YEATS2: variants seen among roughly 807,000 people sequenced by gnomAD.
YEATS2 encodes the protein YEATS domain-containing protein 2.
In YEATS2, 77 loss-of-function variants were observed where a neutral mutation model predicts 163.2. The observed-to-expected ratio is 0.47, with a 90% CI of 0.39 to 0.57. The LOEUF is 0.57. Ranked by LOEUF, YEATS2 falls within the 20% of genes least tolerant of loss-of-function variation. The probability of loss-of-function intolerance (pLI) is 0.00; values close to 1 mark genes in which losing one functional copy is unlikely to be tolerated. For missense variants in YEATS2, 1,549 were observed against 1,729.8 expected, an observed-to-expected ratio of 0.90 and a Z score of 1.85; for synonymous variants, 631 against 645.1, an observed-to-expected ratio of 0.98 and a Z score of 0.33.
chr3:183,799,820 T>G (rs977748750), intron 23 of YEATS2, among the ~76,000 whole-genome samples: 7 of 150,468 alleles, frequency 4.7e-5, no homozygotes, highest in South Asian at 4.2e-4. Flanking sequence ...TAGCATTGTT[T>G]TTTTTTTTTT....
intron 5 of YEATS2, 34 bp downstream of exon 5, chr3:183,722,170 A>T: frequency 6.4e-7 from 1 of 1,574,220 alleles, no homozygotes; most frequent in South Asian, 1.1e-5. Flanking sequence ...AGGGAGCCAC[A>T]GGAGAAGGGA....
rs571881240 is a variant in YEATS2 at position 183,775,942 on chromosome 3, G to A, written c.2396G>A (p.Gly799Asp). The A allele has an allele frequency of 2.5e-6, 4 of 1,607,074 alleles. No individual in the cohort carries two copies. In the South Asian group the frequency reaches 4.4e-5, roughly 18 times the overall value. The stretch of plus-strand genomic sequence containing the variant: ...CTCCAGTCTGGCTCAGCTGCCAGTG[G>A]TGGGAGTGGTGCCGGAGGAGGAGGA... ...ANLQSGSAASGGSGAGGGGGG... is the reference protein window; with the variant it reads ...ANLQSGSAASDGSGAGGGGGG... Residue 799 changes from glycine to aspartate, a missense_variant, in exon 18 of 31, where the codon GGT becomes GAT. By Grantham distance (94) the Gly-to-Asp change is moderately conservative. Coordinates refer to ENST00000305135, the MANE Select transcript of YEATS2 (RefSeq NM_018023.5).
At chr3:183,790,735 C>T in intron 20 of YEATS2, 62 bp from the exon 21 acceptor site, 1 of 1,569,006 alleles carries the variant, frequency 6.4e-7, no homozygotes, top group Non-Finnish European at 8.7e-7. Context: ...GCCGTCACCG[C>T]CGTCAGTCAT....
chr3:183,722,113 A>C lies in YEATS2; in HGVS notation c.514A>C (p.Arg172=). The change falls in exon 5 of 31, where the codon AGA becomes CGA. Residue 172 remains arginine, a synonymous_variant. Coordinates refer to ENST00000305135, the MANE Select transcript of YEATS2 (RefSeq NM_018023.5). The part of the protein sequence containing the change: ...EERLSNNMEQ[R]PSRNTGRDTS... ...AAGACTCTCAAACAACATGGAGCAG[A>C]GACCAAGCCGAAATACTGGAAGGGT... 6.2e-7 allele frequency: 1 copy of C among 1,614,064 alleles called. No individual in the cohort carries two copies. Among genetic ancestry groups the C allele is most frequent in the Non-Finnish European group, 8.5e-7 (1 of 1,180,006 alleles).
intron 20 of YEATS2, among the ~76,000 whole-genome samples, chr3:183,788,331 C>G (rs1054734084): frequency 1.3e-5 from 2 of 152,012 alleles, no homozygotes; most frequent in Admixed American, 1.3e-4. Context: ...CTGGTAACCA[C>G]CATTCTTCTC....
intron 19 of YEATS2, among the ~76,000 whole-genome samples, chr3:183,780,615 A>G (rs969643530): frequency 2.6e-5 from 4 of 152,238 alleles, no homozygotes; most frequent in Non-Finnish European, 5.9e-5. Flanking sequence ...TGAAGATAAA[A>G]TGGCACAAAT....
intron 6 of YEATS2, among the ~76,000 whole-genome samples, chr3:183,724,773 G>C (rs114495447): frequency 6.6e-6 from 1 of 151,888 alleles, no homozygotes; most frequent in African/African-American, 2.4e-5. Flanking sequence ...ACAGAGTTTC[G>C]CTCTTGTTGT....
chr3:183,784,464 C>T (rs1023667317), intron 19 of YEATS2, among the ~76,000 whole-genome samples: 6 of 152,014 alleles, frequency 3.9e-5, no homozygotes, highest in African/African-American at 1.5e-4. Context: ...TATTTATTTG[C>T]TTGTTAAATT....
intron 15 of YEATS2, among the ~76,000 whole-genome samples, chr3:183,767,657 AG>A (rs1381781945): frequency 1.3e-5 from 2 of 152,120 alleles, no homozygotes; most frequent in African/African-American, 4.8e-5. Context: ...CTAGGATTAC[AG>A]GTGTGAGCCA....
At chr3:183,717,392 C>G (rs1245419993) in intron 2 of YEATS2, among the ~76,000 whole-genome samples, 4 of 152,088 alleles carry the variant, frequency 2.6e-5, no homozygotes, top group African/African-American at 9.7e-5. Context: ...TCTAATCTTT[C>G]CTTGTGAGTA....
At chr3:183,773,586 C>T in intron 16 of YEATS2, 47 bp from the exon 17 acceptor site, 2 of 1,519,944 alleles carry the variant, frequency 1.3e-6, no homozygotes, top group East Asian at 2.4e-5. Context: ...AGAGTGTTGC[C>T]CTTAGTTTCA....
chr3:183,719,638 GT>G (rs1468916343), intron 4 of YEATS2, among the ~76,000 whole-genome samples: 13 of 151,966 alleles, frequency 8.6e-5, no homozygotes, highest in South Asian at 2.1e-4. Flanking sequence ...GATTTACCCT[GT>G]TTAATGAGCC....
chr3:183,722,528 A>G (rs1052890024), intron 5 of YEATS2, among the ~76,000 whole-genome samples: 1 of 152,050 alleles, frequency 6.6e-6, no homozygotes, highest in African/African-American at 2.4e-5. Flanking sequence ...TGACCTCGTG[A>G]TCTTCCCGCC....
intron 26 of YEATS2, chr3:183,803,549 T>A (rs1196718683): frequency 1.2e-5 from 7 of 592,042 alleles, no homozygotes; most frequent in Non-Finnish European, 2.1e-5. Flanking sequence ...AGTTTCTAAA[T>A]TTTTTTCTGA....
Position 183,754,179 on chromosome 3 carries a change from T to C in YEATS2, c.1204T>C (p.Ser402Pro). ...ACACACTCCGTTTTATGCTTTGCCATCTTCATTGGAAAGAACACCCACCAA... is the reference window on the plus strand; with the variant it reads ...ACACACTCCGTTTTATGCTTTGCCACCTTCATTGGAAAGAACACCCACCAA... ...ERHTPFYALP[S>P]SLERTPTKMT... The change falls in exon 11 of 31, where the codon TCT becomes CCT. Residue 402 changes from serine (S) to proline (P), a missense_variant. By Grantham distance (74) the Ser-to-Pro change is moderately conservative. Coordinates refer to ENST00000305135, the MANE Select transcript of YEATS2 (RefSeq NM_018023.5). The C allele has an allele frequency of 2.5e-6, 4 of 1,612,182 alleles. No individual in the cohort carries two copies. The highest frequency in any genetic ancestry group is 3.4e-6 in the Non-Finnish European group (4 of 1,178,480).
chr3:183,805,073 C>T (rs1009502704), intron 27 of YEATS2, among the ~76,000 whole-genome samples: 9 of 150,994 alleles, frequency 6.0e-5, no homozygotes, highest in African/African-American at 1.2e-4. Context: ...GGTATATAGG[C>T]AGAAGAAGCA....
In YEATS2 at chr3:183,808,977, A is replaced by G. The variant is rs1698894189; in HGVS notation, c.4087-120A>G. 4 of 906,654 alleles carry G rather than the reference A, an allele frequency of 4.4e-6. No individual in the cohort carries two copies. In the South Asian group the frequency reaches 6.1e-5, roughly 14 times the overall value. 56.2% of individuals were successfully genotyped at this position (906,654 alleles called of 1,614,324 possible). On this transcript the variant is annotated intron_variant, in intron 29 of 30. Coordinates refer to ENST00000305135, the MANE Select transcript of YEATS2 (RefSeq NM_018023.5). ...TGAGGCCTTTAATTTTTTCTTAAGG[A>G]CTTTTTAATCCCTAGTTGCAGTGGT...
intron 28 of YEATS2, 75 bp from the exon 29 acceptor site, chr3:183,807,955 G>A (rs1726388475): frequency 2.4e-6 from 3 of 1,246,478 alleles, no homozygotes; most frequent in Admixed American, 4.1e-5. Flanking sequence ...TGCATGTCAG[G>A]GAGGTATGCT....
chr3:183,803,558 G>A (rs1180934444), intron 26 of YEATS2: 2 of 581,794 alleles, frequency 3.4e-6, no homozygotes, highest in African/African-American at 3.7e-5. Flanking sequence ...ATTTTTTTCT[G>A]AGTTTCAGAG....
Sources: allele counts gnomAD v4.1 joint callset (sites outside exome capture counted in the v4.1 genomes callset), GRCh38; gene constraint gnomAD v4.1.1; transcripts MANE v1.5; gene names NCBI Gene and HGNC (gene_info 2026-07-23, HGNC 2026-07-21).